The following IGF2BP3 variants were observed in gnomAD, a reference collection of about 807,000 sequenced individuals.
IGF2BP3 encodes the protein insulin like growth factor 2 mRNA binding protein 3.
Under a neutral mutation model 73.8 loss-of-function variants are expected in IGF2BP3, and 9 were observed. The observed-to-expected ratio is 0.12, with a 90% CI of 0.07 to 0.21. The LOEUF is 0.21. Ranked by LOEUF, IGF2BP3 falls within the 10% of genes least tolerant of loss-of-function variation. The probability of loss-of-function intolerance (pLI) is 1.00; values close to 1 mark genes in which losing one functional copy is unlikely to be tolerated. For synonymous variants in IGF2BP3, 258 were observed against 256.7 expected, an observed-to-expected ratio of 1.01 and a Z score of -0.05; for missense variants, 542 against 714.0, an observed-to-expected ratio of 0.76 and a Z score of 2.75.
chr7:23,352,277 C>CT (rs1491103583), intron 5 of IGF2BP3, among the ~76,000 whole-genome samples: 6 of 101,922 alleles, frequency 5.9e-5, no homozygotes, highest in Non-Finnish European at 7.9e-5. Flanking sequence ...CTCTCTTTTT[C>CT]ATTTTTTTTT....
At chr7:23,374,506 A>AT (rs1316891326) in intron 3 of IGF2BP3, among the ~76,000 whole-genome samples, 1 of 152,022 alleles carries the variant, frequency 6.6e-6, no homozygotes, top group Non-Finnish European at 1.5e-5. Context: ...GAAAGACCCC[A>AT]TCTCTACAAA....
intron 12 of IGF2BP3, among the ~76,000 whole-genome samples, chr7:23,316,672 C>T (rs1183936649): frequency 9.6e-6 from 1 of 104,256 alleles, no homozygotes; most frequent in African/African-American, 4.0e-5. Context: ...GAGACTCTGT[C>T]TCAAAAAAAA....
intron 11 of IGF2BP3, 163 bp from the exon 12 acceptor site, chr7:23,317,876 G>C (rs1265930489): frequency 1.5e-6 from 1 of 647,066 alleles, no homozygotes; most frequent in East Asian, 2.7e-5. Flanking sequence ...TCACAATTTA[G>C]GCCTCCCTCC....
chr7:23,362,894 C>T (rs1162335164), intron 3 of IGF2BP3, among the ~76,000 whole-genome samples: 1 of 152,064 alleles, frequency 6.6e-6, no homozygotes, highest in African/African-American at 2.4e-5. Context: ...GCTGGCACTA[C>T]AGGTGCACGC....
intron 3 of IGF2BP3, among the ~76,000 whole-genome samples, chr7:23,387,960 G>A (rs1177786420): frequency 6.6e-6 from 1 of 151,620 alleles, no homozygotes; most frequent in Non-Finnish European, 1.5e-5. Context: ...TTTTTGAGAT[G>A]GAGTCTCGCT....
At chr7:23,404,381 A>C (rs1425952040) in intron 3 of IGF2BP3, among the ~76,000 whole-genome samples, 2 of 152,190 alleles carry the variant, frequency 1.3e-5, no homozygotes, top group Non-Finnish European at 2.9e-5. Context: ...CTAATTAAAC[A>C]ATTTCAATCT....
chr7:23,364,970 A>T (rs1254747480), intron 3 of IGF2BP3, among the ~76,000 whole-genome samples: 1 of 152,210 alleles, frequency 6.6e-6, no homozygotes, highest in Non-Finnish European at 1.5e-5. Flanking sequence ...GTTTGAGACC[A>T]GCCTGGCCAA....
chr7:23,469,377 G>C lies in IGF2BP3; in HGVS notation c.175+559C>G, dbSNP rs367626040. On this transcript the variant is annotated intron_variant, in intron 1 of 14. Transcript: ENST00000258729. The surrounding 1 kb of genome is among the most constrained non-coding windows in gnomAD (Gnocchi z 6.1). ...CCAGGGGAGGTGGAACGGGGAAACC[G>C]GGCACACACTCTCTCCTCCCACAGG... 5.3e-5 allele frequency: 8 copies of C among 152,164 alleles called. No homozygotes were observed. In the East Asian group the frequency reaches 1.4e-3, roughly 26 times the overall value. The allele number at this position is 152,164 out of a possible 1,614,324, so 9.4% of individuals were successfully genotyped here.
chr7:23,319,381 C>A (rs764875364), intron 10 of IGF2BP3, 127 bp from the exon 11 acceptor site: 1 of 654,368 alleles, frequency 1.5e-6, no homozygotes, highest in Non-Finnish European at 2.7e-6. Context: ...GAAAAGCTAC[C>A]ATAAGAAGTT....
At chr7:23,384,929 G>A (rs1294539316) in intron 3 of IGF2BP3, among the ~76,000 whole-genome samples, 1 of 152,062 alleles carries the variant, frequency 6.6e-6, no homozygotes, top group Non-Finnish European at 1.5e-5. Context: ...TACCTGGTAG[G>A]TTAGGTGTAT....
intron 5 of IGF2BP3, 90 bp from the exon 6 acceptor site, chr7:23,351,676 C>G (rs1435573409): frequency 7.3e-7 from 1 of 1,372,428 alleles, no homozygotes; most frequent in African/African-American, 1.4e-5. Flanking sequence ...TTCTACTCAG[C>G]ATTACTAGCT....
intron 10 of IGF2BP3, among the ~76,000 whole-genome samples, 187 bp downstream of exon 10, chr7:23,341,877 T>C (rs878868096): frequency 6.6e-6 from 1 of 152,206 alleles, no homozygotes. Context: ...AAAACACATG[T>C]TGACAACCCC....
intron 10 of IGF2BP3, among the ~76,000 whole-genome samples, chr7:23,326,684 T>C (rs1024864565): frequency 6.9e-6 from 1 of 143,980 alleles, no homozygotes; most frequent in Admixed American, 7.1e-5. Flanking sequence ...CCAACAATGA[T>C]AGACTGGATT....
intron 3 of IGF2BP3, among the ~76,000 whole-genome samples, chr7:23,375,016 T>A (rs554080995): frequency 6.6e-6 from 1 of 152,328 alleles, no homozygotes; most frequent in African/African-American, 2.4e-5. Context: ...TTTAAAAAGG[T>A]ATGTGTATAT....
In IGF2BP3 at chr7:23,469,753, G is replaced by C. The variant is rs1226901535; in HGVS notation, c.175+183C>G. On this transcript the variant is annotated intron_variant, in intron 1 of 14. Coordinates refer to ENST00000258729, the MANE Select transcript of IGF2BP3 (RefSeq NM_006547.3). The surrounding 1 kb of genome is among the most constrained non-coding windows in gnomAD (Gnocchi z 6.1). Reference sequence around the variant, plus strand: ...ACCCCGGCCGGGGAAGCAGAGCCGCGGGCCGGAGTGGGAGCCGGAGCTGAG... The same window carrying C: ...ACCCCGGCCGGGGAAGCAGAGCCGCCGGCCGGAGTGGGAGCCGGAGCTGAG... Among the ~76,000 whole-genome samples, 1 of 151,654 alleles carries C rather than the reference G, an allele frequency of 6.6e-6. No homozygotes were observed. Among genetic ancestry groups the C allele is most frequent in the South Asian group, 2.1e-4 (1 of 4,828 alleles).
At chr7:23,314,948 G>A (rs530591090) in intron 12 of IGF2BP3, among the ~76,000 whole-genome samples, 8 of 150,970 alleles carry the variant, frequency 5.3e-5, no homozygotes, top group Admixed American at 4.6e-4. Context: ...ACAGGTGCCC[G>A]CCACCACACC....
chr7:23,443,306 G>A (rs1345804465), intron 2 of IGF2BP3, among the ~76,000 whole-genome samples: 1 of 151,770 alleles, frequency 6.6e-6, no homozygotes, highest in Non-Finnish European at 1.5e-5. Context: ...TGTATTTTTA[G>A]TAGAGACAGG....
At position 23,361,308 on chromosome 7, in the gene IGF2BP3, A is replaced by G. The variant is rs1583934364; in HGVS notation, c.401+226T>C. 11 of 457,674 alleles carry G rather than the reference A, an allele frequency of 2.4e-5. No homozygotes were observed. The East Asian group carries it at 4.4e-4, about 18-fold the overall frequency. 28.4% of individuals were successfully genotyped at this position (457,674 alleles called of 1,614,324 possible). A position where few individuals can be genotyped will look rare whatever the true frequency, so the allele number is the denominator to read the frequency against. ...ATTCAGTTTCATACTAGACCACTCT[A>G]TTATTGGCATTAAAGATATATTGAA... On this transcript the variant is annotated intron_variant, in intron 5 of 14. Transcript: ENST00000258729.
At chr7:23,399,457 G>A (rs992769653) in intron 3 of IGF2BP3, among the ~76,000 whole-genome samples, 1 of 150,590 alleles carries the variant, frequency 6.6e-6, no homozygotes, top group Non-Finnish European at 1.5e-5. Context: ...AAGGACTACA[G>A]CCAGGCACTA....
Sources: allele counts gnomAD v4.1 joint callset (sites outside exome capture counted in the v4.1 genomes callset), GRCh38; gene constraint gnomAD v4.1.1; non-coding constraint Gnocchi (gnomAD v3.1); transcripts MANE v1.5; gene names NCBI Gene and HGNC (gene_info 2026-07-23, HGNC 2026-07-21).